P3H1: variants seen among roughly 807,000 people sequenced by gnomAD.
The protein encoded by P3H1 is prolyl 3-hydroxylase 1.
P3H1 carries 69 observed loss-of-function variants against 84.0 expected under a neutral mutation model. The observed-to-expected ratio is 0.82, with a 90% CI of 0.68 to 1.00. The LOEUF (loss-of-function observed/expected upper bound fraction) is 1.00, where lower values mean the gene tolerates loss of function less well. Among genes scored for constraint, P3H1 ranks in the 50% least tolerant of loss-of-function variants. P3H1 has a pLI of 0.00. For synonymous variants in P3H1, 366 were observed against 388.8 expected, an observed-to-expected ratio of 0.94 and a Z score of 0.69; for missense variants, 878 against 962.8, an observed-to-expected ratio of 0.91 and a Z score of 1.17.
At chr1:42,750,022 T>C in intron 11 of P3H1, 164 bp downstream of exon 11, 2 of 800,330 alleles carry the variant, frequency 2.5e-6, no homozygotes, top group South Asian at 1.7e-5. Flanking sequence ...ACTTCCTCCA[T>C]GCTACTGTGG....
At chr1:42,753,141 C>T (rs1457937840) in intron 8 of P3H1, among the ~76,000 whole-genome samples, 2 of 152,160 alleles carry the variant, frequency 1.3e-5, no homozygotes, top group Non-Finnish European at 2.9e-5. Flanking sequence ...AAGCTTAGTA[C>T]AATATTTGGC....
chr1:42,762,231 A>G, intron 2 of P3H1, 92 bp downstream of exon 2: 1 of 1,320,932 alleles, frequency 7.6e-7, no homozygotes. Context: ...TGATCAAGCC[A>G]CTGCACTCCA....
Position 42,757,858 on chromosome 1 carries a change from C to T in P3H1, c.1005G>A (p.Glu335=), listed in dbSNP as rs1277250186. Reference sequence around the variant, plus strand: ...AATAGGCCAAATTTTGGTTCATCACCTCGTCATTGGGGAAGAAGAGAAGAT... The same window carrying T: ...AATAGGCCAAATTTTGGTTCATCACTTCGTCATTGGGGAAGAAGAGAAGAT... The part of the protein sequence containing the change: ...KTYLLFFPND[E]VMNQNLAYYA... Residue 335 remains glutamate, a synonymous_variant, in exon 5 of 15, where the codon GAG becomes GAA. Transcript: ENST00000296388. The T allele has an allele frequency of 1.9e-6, 3 of 1,614,212 alleles. No individual in the cohort carries two copies. Among genetic ancestry groups the T allele is most frequent in the South Asian group, 2.2e-5 (2 of 91,086 alleles).
rs777090883 is a variant in P3H1 at position 42,755,632 on chromosome 1, G to C, written c.1086C>G (p.Ala362=). 3 of 1,612,990 alleles carry C rather than the reference G, an allele frequency of 1.9e-6. No individual in the cohort carries two copies. Among genetic ancestry groups the C allele is most frequent in the South Asian group, 2.2e-5 (2 of 91,054 alleles). ...GTAGGCTTCGCTGTCGGTACTCCTT[G>C]GCACTCTGAGGGTAAAAAAGCAAAC... is the stretch of plus-strand genomic sequence containing the variant. ...HTRSIGPRES[A]KEYRQRSLLE... Residue 362 remains alanine, a synonymous_variant, in exon 6 of 15, where the codon GCC becomes GCG. Coordinates refer to ENST00000296388, the MANE Select transcript of P3H1 (RefSeq NM_022356.4).
intron 8 of P3H1, among the ~76,000 whole-genome samples, chr1:42,753,997 G>A (rs527852077): frequency 2.2e-4 from 34 of 152,268 alleles, no homozygotes; most frequent in South Asian, 4.1e-4. Context: ...GGTGGGAAGC[G>A]TACTAGGAGA....
chr1:42,747,444 C>A, intron 13 of P3H1, 32 bp from the exon 14 acceptor site: 3 of 1,595,754 alleles, frequency 1.9e-6, no homozygotes, highest in Non-Finnish European at 2.6e-6. Flanking sequence ...GGGGGTTGCA[C>A]AGGACAAAGA....
chr1:42,750,111 C>T (rs1261962919), intron 11 of P3H1, 75 bp downstream of exon 11: 2 of 1,537,492 alleles, frequency 1.3e-6, no homozygotes, highest in African/African-American at 1.4e-5. Flanking sequence ...CCTGTTCTCT[C>T]TGTGTCTTCA....
In P3H1 at chr1:42,757,832, T is replaced by A; in HGVS notation, c.1031A>T (p.Tyr344Phe). 5.0e-6 allele frequency: 8 copies of A among 1,614,236 alleles called. No individual in the cohort carries two copies. Among genetic ancestry groups the A allele is most frequent in the Non-Finnish European group, 2.5e-6 (3 of 1,180,048 alleles). Residue 344 changes from tyrosine (Y) to phenylalanine (F), a missense_variant, in exon 5 of 15, where the codon TAT becomes TTT. Transcript: ENST00000296388. ...GTGTTCTTCTCCAAGCATAGCTGCA[T>A]AATAGGCCAAATTTTGGTTCATCAC... is the stretch of plus-strand genomic sequence containing the variant. Reference protein sequence around the residue: ...DEVMNQNLAYYAAMLGEEHTR... With the variant: ...DEVMNQNLAYFAAMLGEEHTR...
rs760909376 is a variant in P3H1, at chr1:42,747,383, G to A, written c.1944C>T (p.Ala648=). ...TTTCAGTGCCTGAAGAGAATCCCAC[G>A]GCTCTTCCACACTGAGGCTGCACCT... is the stretch of plus-strand genomic sequence containing the variant. ...TAEVQPQCGR[A]VGFSSGTENP... Residue 648 remains alanine (A), a synonymous_variant, in exon 14 of 15, where the codon GCC becomes GCT. Coordinates refer to ENST00000296388, the MANE Select transcript of P3H1 (RefSeq NM_022356.4). 1.6e-5 allele frequency: 26 copies of A among 1,610,928 alleles called. No individual in the cohort carries two copies. Among genetic ancestry groups the A allele is most frequent in the Non-Finnish European group, 1.8e-5 (21 of 1,178,696 alleles).
intron 14 of P3H1, 105 bp downstream of exon 14, chr1:42,747,167 C>T: frequency 6.2e-7 from 1 of 1,614,194 alleles, no homozygotes; most frequent in Non-Finnish European, 8.5e-7. Flanking sequence ...TTTCGTGTCT[C>T]AGCCACTGGC....
chr1:42,748,709 T>G, intron 11 of P3H1: 1 of 304,270 alleles, frequency 3.3e-6, no homozygotes, highest in Admixed American at 4.2e-5. Flanking sequence ...GAGATGGGGC[T>G]GAGTGGCAGG....
intron 10 of P3H1, among the ~76,000 whole-genome samples, chr1:42,751,438 C>A (rs1190957227): frequency 7.8e-6 from 1 of 128,544 alleles, no homozygotes; most frequent in Admixed American, 8.1e-5. Flanking sequence ...CTGCGGAAGG[C>A]CGCAGGGTCC....
chr1:42,747,593 C>T lies in P3H1; in HGVS notation c.1914+130G>A, dbSNP rs960891234. The stretch of plus-strand genomic sequence containing the variant: ...GAGTGATGGACACGTCTCAAAGCCC[C>T]TCTGGATGGGGGAAGGGTACCGCCC... On this transcript the variant is annotated intron_variant, in intron 13 of 14. Transcript: ENST00000296388. 3.5e-6 allele frequency: 4 copies of T among 1,156,606 alleles called. No individual in the cohort carries two copies. The African/African-American group carries it at 6.1e-5, about 18-fold the overall frequency. The allele number at this position is 1,156,606 out of a possible 1,614,324, so 71.6% of individuals were successfully genotyped here. A position where few individuals can be genotyped will look rare whatever the true frequency, so the allele number is the denominator to read the frequency against.
At chr1:42,761,445 A>T (rs968410901) in intron 2 of P3H1, 1 of 152,254 alleles carries the variant, frequency 6.6e-6, no homozygotes, top group African/African-American at 2.4e-5. Context: ...TGTAGTGAAA[A>T]TCAAAAACAT....
intron 1 of P3H1, among the ~76,000 whole-genome samples, chr1:42,763,544 C>A (rs144034190): frequency 3.4e-4 from 51 of 151,524 alleles, no homozygotes; most frequent in Non-Finnish European, 5.9e-4. Context: ...TTGTGGCGCA[C>A]ACCCGTAATC....
chr1:42,755,289 A>G (rs1418343072), intron 6 of P3H1, 72 bp from the exon 7 acceptor site: 3 of 1,431,418 alleles, frequency 2.1e-6, no homozygotes, highest in Non-Finnish European at 3.0e-6. Context: ...AATGCATAAA[A>G]TAAGGCCCAC....
Position 42,759,368 on chromosome 1 carries a change from C to A in P3H1, c.641G>T (p.Arg214Leu), listed in dbSNP as rs202218911. 6.2e-7 allele frequency: 1 copy of A among 1,614,128 alleles called. No individual in the cohort carries two copies. The highest frequency in any genetic ancestry group is 1.1e-5 in the South Asian group (1 of 91,072). ...PHMQEFRLGVRLYSEEQPQEA... is the reference protein window; with the variant it reads ...PHMQEFRLGVLLYSEEQPQEA... The stretch of plus-strand genomic sequence containing the variant: ...CTGTGGCTGTTCCTCTGAGTAGAGT[C>A]GCACTCCCAGTCGAAATTCTTGCTA... Residue 214 changes from arginine to leucine, a missense_variant, in exon 3 of 15, where the codon CGA becomes CTA. Physicochemically the swap from Arg to Leu is moderately radical, Grantham distance 102 (BLOSUM62 -2). Transcript: ENST00000296388.
intron 4 of P3H1, 80 bp downstream of exon 4, chr1:42,758,772 A>C: frequency 6.7e-7 from 1 of 1,500,266 alleles, no homozygotes; most frequent in East Asian, 2.3e-5. Context: ...TTGAGGAAGT[A>C]AGTGGCTGTA....
At chr1:42,762,598 C>T in intron 1 of P3H1, 123 bp from the exon 2 acceptor site, 2 of 950,980 alleles carry the variant, frequency 2.1e-6, no homozygotes, top group Non-Finnish European at 3.3e-6. Flanking sequence ...TCAGCGTGCC[C>T]AGCCCCTGCC....
Sources: allele counts gnomAD v4.1 joint callset (sites outside exome capture counted in the v4.1 genomes callset), GRCh38; gene constraint gnomAD v4.1.1; transcripts MANE v1.5; gene names NCBI Gene and HGNC (gene_info 2026-07-23, HGNC 2026-07-21).